The following XKR3 variants were observed in gnomAD, a reference collection of about 807,000 sequenced individuals.
XKR3 encodes XK related 3.
A neutral mutation model predicts 40.3 loss-of-function variants in XKR3; 27 were observed. The observed-to-expected ratio is 0.67, with a 90% CI of 0.49 to 0.92. XKR3 has a LOEUF of 0.92. XKR3 is among the 40% of genes least tolerant of loss of function. The probability of loss-of-function intolerance (pLI) is 0.00; values close to 1 mark genes in which losing one functional copy is unlikely to be tolerated. For missense variants in XKR3, 472 were observed against 537.6 expected (o/e 0.88, Z 1.21); for synonymous variants, 193 against 195.4 (o/e 0.99, Z 0.10).
chr22:16,802,030 T>A (rs2060171464), intron 2 of XKR3, among the ~76,000 whole-genome samples: 1 of 152,216 alleles, frequency 6.6e-6, no homozygotes, highest in Admixed American at 6.5e-5. Flanking sequence ...CAGAATATTT[T>A]CAATATCTCC....
At position 16,801,370 on chromosome 22, in the gene XKR3, G is replaced by A. The variant is rs531103458; in HGVS notation, c.336-1346C>T. Among the ~76,000 whole-genome samples, 11 of 152,100 alleles carry A rather than the reference G, an allele frequency of 7.2e-5. No homozygotes were observed. The East Asian group carries it at 1.2e-3, about 16-fold the overall frequency. ...ACCATTCTGGGCTACATGGTGAAAC[G>A]CTATCTCACCTAAAAATACAAAAAT... On this transcript the variant is annotated intron_variant, in intron 2 of 3. Transcript: ENST00000684488.
chr22:16,785,147 C>G (rs2060084524), intron 3 of XKR3, among the ~76,000 whole-genome samples: 1 of 152,112 alleles, frequency 6.6e-6, no homozygotes, highest in African/African-American at 2.4e-5. Context: ...GAAACCCAGT[C>G]TCTACTAAAA....
intron 1 of XKR3, among the ~76,000 whole-genome samples, chr22:16,812,426 C>A (rs2060216686): frequency 6.6e-6 from 1 of 152,138 alleles, no homozygotes; most frequent in Non-Finnish European, 1.5e-5. Context: ...TCTGTAGTCC[C>A]AGCACTTTGG....
chr22:16,785,161 C>CA (rs1263779440), intron 3 of XKR3, among the ~76,000 whole-genome samples: 1 of 152,000 alleles, frequency 6.6e-6, no homozygotes, highest in South Asian at 2.1e-4. Context: ...ACTAAAAATA[C>CA]AAAAAATTAG....
intron 1 of XKR3, among the ~76,000 whole-genome samples, chr22:16,817,703 T>G (rs1344051485): frequency 6.6e-6 from 1 of 152,182 alleles, no homozygotes; most frequent in Non-Finnish European, 1.5e-5. Context: ...TTAGTGATAT[T>G]GGAGTTCAAA....
At position 16,783,811 on chromosome 22, in the gene XKR3, G is replaced by C; in HGVS notation, c.1188C>G (p.Phe396Leu). ...YLLATGFMLLFYQYLYPWQSG... is the reference protein window; with the variant it reads ...YLLATGFMLLLYQYLYPWQSG... Reference sequence around the variant, plus strand: ...ACTGCCATGGGTACAAATACTGATAGAAGAGGAGCATAAAGCCAGTGGCCA... The same window carrying C: ...ACTGCCATGGGTACAAATACTGATACAAGAGGAGCATAAAGCCAGTGGCCA... Residue 396 changes from phenylalanine (F) to leucine (L), a missense_variant, in exon 4 of 4, where the codon TTC becomes TTG. Physicochemically the swap from Phe to Leu is conservative, Grantham distance 22. Coordinates refer to ENST00000684488, the MANE Select transcript of XKR3 (RefSeq NM_001386955.1). 6.2e-7 allele frequency: 1 copy of C among 1,614,184 alleles called. No homozygotes were observed. Among genetic ancestry groups the C allele is most frequent in the Non-Finnish European group, 8.5e-7 (1 of 1,180,036 alleles).
chr22:16,792,788 G>A (rs1233522101), intron 3 of XKR3, among the ~76,000 whole-genome samples: 2 of 152,082 alleles, frequency 1.3e-5, no homozygotes, highest in African/African-American at 2.4e-5. Context: ...TTTTGTTCAA[G>A]TCTATATTTA....
intron 3 of XKR3, among the ~76,000 whole-genome samples, chr22:16,797,852 A>G (rs1315089432): frequency 6.6e-6 from 1 of 151,606 alleles, no homozygotes; most frequent in Non-Finnish European, 1.5e-5. Flanking sequence ...AAGAAGACAT[A>G]CAAGTGTCCA....
intron 2 of XKR3, among the ~76,000 whole-genome samples, chr22:16,804,881 A>G (rs1252677621): frequency 1.3e-5 from 2 of 152,188 alleles, no homozygotes; most frequent in East Asian, 3.8e-4. Flanking sequence ...CATTGGGCAC[A>G]TGTACTCAGG....
chr22:16,824,266 G>A lies in XKR3; in HGVS notation c.-11+1025C>T, dbSNP rs565645496. 1.5e-4 allele frequency among the ~76,000 whole-genome samples: 23 copies of A among 152,164 alleles called. 2 individuals carry two copies. The South Asian group carries it at 4.8e-3, about 32-fold the overall frequency. On this transcript the variant is annotated intron_variant, in intron 1 of 3. Transcript: ENST00000684488. ...GGAACGGGCATGTAAGAAAATACGG[G>A]AATCATGTGCAGATGATATAATTAC...
chr22:16,785,189 A>T (rs5748624), intron 3 of XKR3, among the ~76,000 whole-genome samples: 1,714 of 152,092 alleles, frequency 0.011, 28 homozygotes, highest in African/African-American at 0.039. Flanking sequence ...TAGTGGTGGG[A>T]GCTTGTAGTC....
chr22:16,811,807 G>C (rs568565311), intron 1 of XKR3, among the ~76,000 whole-genome samples: 1 of 152,208 alleles, frequency 6.6e-6, no homozygotes, highest in South Asian at 2.1e-4. Context: ...AGGAGATGGA[G>C]ACCATCCTGG....
chr22:16,799,245 C>G (rs2060155878), intron 3 of XKR3, among the ~76,000 whole-genome samples: 1 of 151,368 alleles, frequency 6.6e-6, no homozygotes, highest in Admixed American at 6.6e-5. Context: ...AACCCGATCT[C>G]TACTAAAAAT....
At chr22:16,800,294 T>G (rs1328590836) in intron 2 of XKR3, among the ~76,000 whole-genome samples, 1 of 152,182 alleles carries the variant, frequency 6.6e-6, no homozygotes, top group African/African-American at 2.4e-5. Flanking sequence ...AAGTAAAAAT[T>G]TCCTCATTCA....
At chr22:16,786,651 GC>G (rs1335364114) in intron 3 of XKR3, among the ~76,000 whole-genome samples, 1 of 152,180 alleles carries the variant, frequency 6.6e-6, no homozygotes, top group Non-Finnish European at 1.5e-5. Flanking sequence ...AATTACTTCA[GC>G]CATCAAAGTC....
intron 1 of XKR3, among the ~76,000 whole-genome samples, chr22:16,808,799 T>C (rs1338751240): frequency 6.6e-6 from 1 of 152,198 alleles, no homozygotes; most frequent in Non-Finnish European, 1.5e-5. Context: ...TTAGTCACTA[T>C]GTGTGGGAAG....
chr22:16,799,957 G>T lies in XKR3; in HGVS notation c.403C>A (p.Gln135Lys), dbSNP rs747406232. The T allele has an allele frequency of 6.2e-7, 1 of 1,613,948 alleles. No homozygotes were observed. Among genetic ancestry groups the T allele is most frequent in the African/African-American group, 1.3e-5 (1 of 74,900 alleles). Residue 135 changes from glutamine to lysine, a missense_variant, in exon 3 of 4, where the codon CAA (glutamine) becomes AAA (lysine). Gln to Lys is a moderately conservative substitution (Grantham distance 53). Transcript: ENST00000684488. ...KNLKQEKEET[Q>K]VSITKRNTML... ...GTGTTTCTCTTTGTGATGCTAACTT[G>T]AGTCTCTTCCTTCTCCTGTTTAAGA... is the stretch of plus-strand genomic sequence containing the variant.
intron 2 of XKR3, among the ~76,000 whole-genome samples, chr22:16,806,663 C>T (rs1249055337): frequency 1.3e-5 from 2 of 151,894 alleles, no homozygotes; most frequent in African/African-American, 2.4e-5. Context: ...GGACTCTACT[C>T]CTGACCTCAA....
chr22:16,790,629 T>C (rs1379988450), intron 3 of XKR3, among the ~76,000 whole-genome samples: 3 of 152,068 alleles, frequency 2.0e-5, no homozygotes, highest in Non-Finnish European at 4.4e-5. Context: ...GGTGATGAAA[T>C]AATTTGTACA....
Sources: gnomAD v4.1 joint callset for allele counts (sites outside exome capture counted in the v4.1 genomes callset) on GRCh38, gnomAD v4.1.1 for gene constraint, MANE v1.5 for transcripts, NCBI Gene and HGNC (gene_info 2026-07-23, HGNC 2026-07-21) for gene names.